The following PRKN variants were observed in gnomAD, a reference collection of about 807,000 sequenced individuals.
The protein encoded by PRKN is parkin RBR E3 ubiquitin protein ligase.
Under a neutral mutation model 59.5 loss-of-function variants are expected in PRKN, and 56 were observed. The ratio of observed to expected loss-of-function variants is 0.94; its 90% CI spans 0.76 to 1.18. The LOEUF is 1.18. Among genes scored for constraint, PRKN ranks in the 50% most tolerant of loss-of-function variants. PRKN has a pLI of 0.00. For synonymous variants in PRKN, 250 were observed against 222.1 expected, an observed-to-expected ratio of 1.13 and a Z score of -1.12; for missense variants, 657 against 596.4, an observed-to-expected ratio of 1.10 and a Z score of -1.06.
At chr6:162,471,012 C>T (rs932507566) in intron 1 of PRKN, among the ~76,000 whole-genome samples, 2 of 151,604 alleles carry the variant, frequency 1.3e-5, no homozygotes, top group African/African-American at 2.4e-5. Flanking sequence ...CGGCCAGCCT[C>T]GGCTACCCAA....
chr6:162,601,273 T>C (rs1391202242), intron 1 of PRKN, among the ~76,000 whole-genome samples: 1 of 152,172 alleles, frequency 6.6e-6, no homozygotes, highest in East Asian at 1.9e-4. Context: ...AGGTCCCACC[T>C]ACAGTCAATA....
chr6:161,646,475 G>C (rs1169790698), intron 7 of PRKN, among the ~76,000 whole-genome samples: 5 of 108,956 alleles, frequency 4.6e-5, no homozygotes, highest in South Asian at 3.2e-4. Context: ...TGACAGTGGT[G>C]ACTGCGTGTG....
intron 1 of PRKN, among the ~76,000 whole-genome samples, chr6:162,507,901 G>A (rs1583690617): frequency 2.0e-5 from 3 of 152,196 alleles, no homozygotes; most frequent in South Asian, 4.1e-4. Context: ...AATACTCAAC[G>A]AAGTAGAACA....
At chr6:161,996,775 A>C (rs1181704168) in intron 5 of PRKN, among the ~76,000 whole-genome samples, 1 of 152,142 alleles carries the variant, frequency 6.6e-6, no homozygotes, top group African/African-American at 2.4e-5. Flanking sequence ...CCTACCCCCA[A>C]AATATATTTT....
At chr6:161,523,101 G>C (rs1409085733) in intron 9 of PRKN, among the ~76,000 whole-genome samples, 3 of 151,834 alleles carry the variant, frequency 2.0e-5, no homozygotes, top group African/African-American at 7.3e-5. Context: ...TTATGTTTTG[G>C]TACATACTTT....
At chr6:162,031,871 T>C (rs558326314) in intron 5 of PRKN, among the ~76,000 whole-genome samples, 2 of 152,304 alleles carry the variant, frequency 1.3e-5, no homozygotes, top group South Asian at 4.1e-4. Context: ...CCTGAGGATA[T>C]ATGAAGTCAG....
At chr6:162,458,501 C>CA (rs1390637563) in intron 1 of PRKN, among the ~76,000 whole-genome samples, 1 of 151,406 alleles carries the variant, frequency 6.6e-6, no homozygotes, top group African/African-American at 2.4e-5. Context: ...TTTCCTCAGA[C>CA]AGGAGCATTA....
intron 1 of PRKN, among the ~76,000 whole-genome samples, chr6:162,707,057 A>C (rs545419964): frequency 6.6e-6 from 1 of 152,214 alleles, no homozygotes; most frequent in African/African-American, 2.4e-5. Flanking sequence ...TGTAGAGTGA[A>C]TATAGAAAAG....
intron 2 of PRKN, among the ~76,000 whole-genome samples, chr6:162,298,809 A>C (rs1330199463): frequency 6.6e-6 from 1 of 152,064 alleles, no homozygotes; most frequent in Non-Finnish European, 1.5e-5. Context: ...AGAGCACAGG[A>C]AAAGAAAGCC....
At position 161,574,402 on chromosome 6, in the gene PRKN, C is replaced by A. The variant is rs1359308952; in HGVS notation, c.872-4986G>T. ...AGAGACCATGTCCGATCCTTCCATG[C>A]CCTTTAAGCATCACCTCCCTCACAT... is the stretch of plus-strand genomic sequence containing the variant. On this transcript the variant is annotated intron_variant, in intron 7 of 11. Coordinates refer to ENST00000366898, the MANE Select transcript of PRKN (RefSeq NM_004562.3). 2.0e-5 allele frequency among the ~76,000 whole-genome samples: 3 copies of A among 152,130 alleles called. No homozygotes were observed. In the East Asian group the frequency reaches 5.8e-4, roughly 29 times the overall value.
chr6:162,648,754 TAG>T (rs879841071), intron 1 of PRKN, among the ~76,000 whole-genome samples: 21 of 152,186 alleles, frequency 1.4e-4, no homozygotes, highest in Non-Finnish European at 7.3e-5. Flanking sequence ...ACTGATCTCA[TAG>T]AGTGTGCACA....
rs79475451 is a variant in PRKN at position 162,287,040 on chromosome 6, A to T, written c.172-24275T>A. On this transcript the variant is annotated intron_variant, in intron 2 of 11. Transcript: ENST00000366898. ...AAGCAGTTAAAGGGTAGAATTTGGAAGCACTTAAGATGAACCCTCCAATTC... is the reference window on the plus strand; with the variant it reads ...AAGCAGTTAAAGGGTAGAATTTGGATGCACTTAAGATGAACCCTCCAATTC... Among the ~76,000 whole-genome samples, 237 of 152,312 alleles carry T rather than the reference A, an allele frequency of 1.6e-3. 5 individuals carry two copies. The East Asian group carries it at 0.025, about 16-fold the overall frequency.
At chr6:161,482,473 A>T (rs1025125749) in intron 9 of PRKN, among the ~76,000 whole-genome samples, 2 of 152,272 alleles carry the variant, frequency 1.3e-5, no homozygotes, top group African/African-American at 2.4e-5. Context: ...ATGAAATAAT[A>T]TGACTAAGTT....
chr6:161,657,244 C>T (rs894403457), intron 7 of PRKN, among the ~76,000 whole-genome samples: 6 of 152,232 alleles, frequency 3.9e-5, no homozygotes, highest in African/African-American at 9.6e-5. Flanking sequence ...AGTGACCTCA[C>T]GGCTCTGGAT....
Position 161,685,732 on chromosome 6 carries a change from C to T in PRKN, c.871+100040G>A, listed in dbSNP as rs149044931. Among the ~76,000 whole-genome samples the T allele has an allele frequency of 2.8e-3, 421 of 152,310 alleles. 2 individuals carry two copies. Among genetic ancestry groups the T allele is most frequent in the African/African-American group, 9.8e-3 (406 of 41,562 alleles). On this transcript the variant is annotated intron_variant, in intron 7 of 11. Transcript: ENST00000366898. ...GACTCTAATAATGGGAAAGACTACA[C>T]ATGTATGATGGATATGAGGGCAAAG...
chr6:161,609,623 G>C (rs1488378769), intron 7 of PRKN, among the ~76,000 whole-genome samples: 2 of 152,126 alleles, frequency 1.3e-5, no homozygotes, highest in African/African-American at 4.8e-5. Flanking sequence ...AGTTGAGCTG[G>C]GCCTGAGATG....
intron 7 of PRKN, among the ~76,000 whole-genome samples, chr6:161,653,204 T>C (rs1179638789): frequency 1.3e-5 from 2 of 149,992 alleles, no homozygotes; most frequent in Non-Finnish European, 3.0e-5. Context: ...CTATTAAAAA[T>C]ACAAAAAAAA....
intron 4 of PRKN, among the ~76,000 whole-genome samples, chr6:162,067,888 T>G (rs1778403944): frequency 6.6e-6 from 1 of 152,218 alleles, no homozygotes; most frequent in South Asian, 2.1e-4. Context: ...TTTTGTTCAC[T>G]TTTCAGACAC....
intron 4 of PRKN, among the ~76,000 whole-genome samples, chr6:162,074,396 C>T (rs1421895713): frequency 5.9e-5 from 8 of 136,106 alleles, no homozygotes; most frequent in East Asian, 2.2e-4. Context: ...AACCAAACAC[C>T]ACATATTCTC....
Sources: gnomAD v4.1 joint callset for allele counts (sites outside exome capture counted in the v4.1 genomes callset) on GRCh38, gnomAD v4.1.1 for gene constraint, MANE v1.5 for transcripts, NCBI Gene and HGNC (gene_info 2026-07-23, HGNC 2026-07-21) for gene names.